DIP2C: variants seen among roughly 807,000 people sequenced by gnomAD.
DIP2C encodes DIP2 acetate--CoA ligase C (putative), also known as disco-interacting protein 2 homolog C.
In DIP2C, 33 loss-of-function variants were observed where a neutral mutation model predicts 192.4. That is an observed-to-expected ratio of 0.17 (90% confidence interval 0.13 to 0.23). DIP2C has a LOEUF of 0.23. Ranked by LOEUF, DIP2C falls within the 10% of genes least tolerant of loss-of-function variation. The probability of loss-of-function intolerance (pLI) is 1.00; values close to 1 mark genes in which losing one functional copy is unlikely to be tolerated. For synonymous variants in DIP2C, 979 were observed against 864.1 expected (o/e 1.13, Z -2.33); for missense variants, 1,537 against 2,110.1 (o/e 0.73, Z 5.32).
intron 1 of DIP2C, among the ~76,000 whole-genome samples, chr10:609,692 C>T (rs1275963161): frequency 1.3e-5 from 2 of 152,172 alleles, no homozygotes; most frequent in African/African-American, 4.8e-5. Context: ...AAATAAAATA[C>T]ATCACCTTTC....
At chr10:588,411 C>G (rs1356802815) in intron 1 of DIP2C, among the ~76,000 whole-genome samples, 1 of 152,236 alleles carries the variant, frequency 6.6e-6, no homozygotes, top group Non-Finnish European at 1.5e-5. Flanking sequence ...TTGGGAGATT[C>G]CATCTCCGGG....
At chr10:370,584 G>A (rs1406282207) in intron 17 of DIP2C, among the ~76,000 whole-genome samples, 1 of 152,168 alleles carries the variant, frequency 6.6e-6, no homozygotes, top group African/African-American at 2.4e-5. Flanking sequence ...TCCCAGCCCT[G>A]GAAAATGTCT....
intron 1 of DIP2C, among the ~76,000 whole-genome samples, chr10:596,411 A>C (rs1851700343): frequency 7.0e-6 from 1 of 142,656 alleles, no homozygotes; most frequent in African/African-American, 2.6e-5. Context: ...GAGGAGAATC[A>C]CTTGAACCTG....
At chr10:517,213 C>G (rs1202014750) in intron 1 of DIP2C, among the ~76,000 whole-genome samples, 1 of 152,164 alleles carries the variant, frequency 6.6e-6, no homozygotes, top group African/African-American at 2.4e-5. Flanking sequence ...CATTTCTCCA[C>G]TGGATTCATC....
At chr10:457,381 C>G (rs371329663) in intron 3 of DIP2C, among the ~76,000 whole-genome samples, 57 of 152,228 alleles carry the variant, frequency 3.7e-4, no homozygotes, top group African/African-American at 1.3e-3. Flanking sequence ...TCCACAGCAT[C>G]TCACAAATTT....
intron 10 of DIP2C, among the ~76,000 whole-genome samples, chr10:393,813 G>A (rs200722337): frequency 4.5e-3 from 446 of 99,804 alleles, no homozygotes; most frequent in Middle Eastern, 0.016. Flanking sequence ...AAAAGAAAAA[G>A]AAAAAGGAAA....
In DIP2C at chr10:427,219, G is replaced by A. The variant is rs374740227; in HGVS notation, c.395-4186C>T. The stretch of plus-strand genomic sequence containing the variant: ...CTTTCCCAACCTCTAGAGGCCACCT[G>A]TGTCCCTGACTTATGGCCCCTCCTC... On this transcript the variant is annotated intron_variant, in intron 4 of 36. Coordinates refer to ENST00000280886, the MANE Select transcript of DIP2C (RefSeq NM_014974.3). Among the ~76,000 whole-genome samples, 3 of 152,286 alleles carry A rather than the reference G, an allele frequency of 2.0e-5. No individual in the cohort carries two copies. The East Asian group carries it at 5.8e-4, about 29-fold the overall frequency.
chr10:602,887 T>C (rs1276490180), intron 1 of DIP2C, among the ~76,000 whole-genome samples: 1 of 152,296 alleles, frequency 6.6e-6, no homozygotes, highest in African/African-American at 2.4e-5. Context: ...ACATGTCACC[T>C]GCTCGTCTAA....
chr10:624,381 C>T (rs1450563475), intron 1 of DIP2C, among the ~76,000 whole-genome samples: 1 of 152,218 alleles, frequency 6.6e-6, no homozygotes, highest in African/African-American at 2.4e-5. Context: ...AAAATCACAG[C>T]CACAAGTGCT....
intron 1 of DIP2C, chr10:661,997 C>G: frequency 2.8e-6 from 2 of 711,782 alleles, no homozygotes; most frequent in Non-Finnish European, 5.2e-6. Flanking sequence ...GCCTTCTCTC[C>G]TCCTCTCGCC....
chr10:645,287 C>A (rs1206487330), intron 1 of DIP2C, among the ~76,000 whole-genome samples: 1 of 152,162 alleles, frequency 6.6e-6, no homozygotes, highest in Non-Finnish European at 1.5e-5. Context: ...CTTGAAAAGT[C>A]TATCAGAGTA....
chr10:548,911 C>CAAAAAAAAAAAAAAA lies in DIP2C; in HGVS notation c.86-62396_86-62382dup, dbSNP rs61437915. ...CATTGCAGGAAAAAATAGCAGCTCA[C>CAAAAAAAAAAAAAAA]AAAAAAAAAAAAAAAAAAAAAAAAA... On this transcript the variant is annotated intron_variant, in intron 1 of 36. Coordinates refer to ENST00000280886, the MANE Select transcript of DIP2C (RefSeq NM_014974.3). 1.0e-3 allele frequency among the ~76,000 whole-genome samples: 27 copies of CAAAAAAAAAAAAAAA among 26,452 alleles called. 1 individual carries two copies. Among genetic ancestry groups the CAAAAAAAAAAAAAAA allele is most frequent in the African/African-American group, 2.7e-3 (20 of 7,422 alleles). 17.4% of individuals were successfully genotyped at this position (26,452 alleles called of 152,430 possible).
chr10:618,082 T>C (rs1321199905), intron 1 of DIP2C, among the ~76,000 whole-genome samples: 4 of 152,226 alleles, frequency 2.6e-5, no homozygotes, highest in Non-Finnish European at 5.9e-5. Context: ...AGAATGCTAT[T>C]GGCATTTGGT....
At chr10:381,948 G>A (rs1962410751) in intron 17 of DIP2C, among the ~76,000 whole-genome samples, 1 of 152,272 alleles carries the variant, frequency 6.6e-6, no homozygotes, top group Non-Finnish European at 1.5e-5. Flanking sequence ...TTCTCTGCAG[G>A]AGCCTGTTCT....
intron 1 of DIP2C, among the ~76,000 whole-genome samples, chr10:613,260 G>A (rs1030937003): frequency 1.3e-5 from 2 of 152,214 alleles, no homozygotes; most frequent in East Asian, 1.9e-4. Context: ...GTGAGAGGAC[G>A]CTCGGACAGT....
intron 1 of DIP2C, among the ~76,000 whole-genome samples, chr10:502,049 G>C (rs1845269903): frequency 6.6e-6 from 1 of 152,238 alleles, no homozygotes; most frequent in African/African-American, 2.4e-5. Context: ...AGTAGGCTGA[G>C]GTGGGAGGAT....
chr10:413,217 GAA>G (rs562155392), intron 8 of DIP2C, among the ~76,000 whole-genome samples: 1 of 152,090 alleles, frequency 6.6e-6, no homozygotes, highest in Non-Finnish European at 1.5e-5. Context: ...CTTATCCACA[GAA>G]AAAAGAGAAA....
At chr10:315,744 C>A (rs750713266) in intron 31 of DIP2C, among the ~76,000 whole-genome samples, 4 of 152,200 alleles carry the variant, frequency 2.6e-5, no homozygotes, top group Non-Finnish European at 5.9e-5. Flanking sequence ...GGCCATAGGT[C>A]TTCAAATTGT....
At chr10:294,004 G>A (rs1955622158) in intron 32 of DIP2C, among the ~76,000 whole-genome samples, 2 of 152,172 alleles carry the variant, frequency 1.3e-5, no homozygotes, top group African/African-American at 4.8e-5. Context: ...TAACCGCATT[G>A]CACAAATGAA....
Sources: gnomAD v4.1 joint callset for allele counts (sites outside exome capture counted in the v4.1 genomes callset) on GRCh38, gnomAD v4.1.1 for gene constraint, MANE v1.5 for transcripts, NCBI Gene and HGNC (gene_info 2026-07-23, HGNC 2026-07-21) for gene names.